MEFV: variants seen among roughly 807,000 people sequenced by gnomAD.
MEFV encodes the protein MEFV innate immunity regulator, pyrin, also known as pyrin.
MEFV carries 60 observed loss-of-function variants against 62.5 expected under a neutral mutation model. That is an observed-to-expected ratio of 0.96 (90% CI 0.78 to 1.19). The LOEUF is 1.19. Among genes scored for constraint, MEFV ranks in the 50% most tolerant of loss-of-function variants. The pLI is 0.00. For missense variants in MEFV, 1,169 were observed against 1,004.5 expected (o/e 1.16, Z -2.21); for synonymous variants, 500 against 415.2 (o/e 1.20, Z -2.48).
intron 2 of MEFV, 30 bp downstream of exon 2, chr16:3,254,128 C>T: frequency 6.2e-7 from 1 of 1,610,840 alleles, no homozygotes. Flanking sequence ...TCTCTGCAGC[C>T]GATATAAAGT....
intron 1 of MEFV, among the ~76,000 whole-genome samples, chr16:3,255,063 T>A (rs1003619678): frequency 5.9e-5 from 9 of 152,158 alleles, no homozygotes; most frequent in Admixed American, 1.3e-4. Flanking sequence ...ATGCCTGTAA[T>A]CCCAGCTTCT....
chr16:3,251,934 G>A, intron 2 of MEFV: 1 of 339,578 alleles, frequency 2.9e-6, no homozygotes, highest in Non-Finnish European at 6.1e-6. Context: ...AATACAGTGG[G>A]GACCTGGTGC....
chr16:3,249,694 T>C lies in MEFV; in HGVS notation c.997A>G (p.Ser333Gly). The change falls in exon 3 of 10, where the codon AGC becomes GGC. Residue 333 changes from serine (S) to glycine (G), a missense_variant. Coordinates refer to ENST00000219596, the MANE Select transcript of MEFV (RefSeq NM_000243.3). Reference sequence around the variant, plus strand: ...TGCCCAGAAACTGCCTCGGGGAAGCTGCAGGAATCACGCACACAGGTACCG... The same window carrying C: ...TGCCCAGAAACTGCCTCGGGGAAGCCGCAGGAATCACGCACACAGGTACCG... ...VDGTCVRDSCSFPEAVSGHPQ... is the reference protein window; with the variant it reads ...VDGTCVRDSCGFPEAVSGHPQ... 6.2e-7 allele frequency: 1 copy of C among 1,613,524 alleles called. No homozygotes were observed. Among genetic ancestry groups the C allele is most frequent in the Non-Finnish European group, 8.5e-7 (1 of 1,179,592 alleles).
chr16:3,249,368 G>GAAGT, intron 3 of MEFV, 63 bp downstream of exon 3: 1 of 1,457,716 alleles, frequency 6.9e-7, no homozygotes, highest in Non-Finnish European at 9.6e-7. Context: ...TTGGGAAAAT[G>GAAGT]AAGTAAGGCC....
intron 2 of MEFV, among the ~76,000 whole-genome samples, chr16:3,251,669 G>C (rs1016505947): frequency 2.6e-5 from 4 of 152,212 alleles, no homozygotes; most frequent in Non-Finnish European, 5.9e-5. Flanking sequence ...GCAAATGGTA[G>C]AATCTCAACC....
At chr16:3,250,914 C>T (rs1959022113) in intron 2 of MEFV, among the ~76,000 whole-genome samples, 1 of 150,236 alleles carries the variant, frequency 6.7e-6, no homozygotes, top group Non-Finnish European at 1.5e-5. Context: ...ATCCCAGCTA[C>T]TCGGGAGGCT....
At chr16:3,248,044 A>AGG (rs1442280653) in intron 4 of MEFV, 1 of 151,214 alleles carries the variant, frequency 6.6e-6, no homozygotes, top group East Asian at 1.9e-4. Context: ...GGATCACCTG[A>AGG]GGTCAGGAGT....
In MEFV at chr16:3,249,765, G is replaced by A. The variant is rs104895155; in HGVS notation, c.926C>T (p.Thr309Met). Reference sequence around the variant, plus strand: ...GGCGTGGCAGCGGGGACTCGCAGCCGTGTCTGGTGGCCTTCCTGGGGACAT... The same window carrying A: ...GGCGTGGCAGCGGGGACTCGCAGCCATGTCTGGTGGCCTTCCTGGGGACAT... Reference protein sequence around the residue: ...EHSVTGRPPDTAASPRCHAQE... With the variant: ...EHSVTGRPPDMAASPRCHAQE... The change falls in exon 3 of 10, where the codon ACG becomes ATG. Residue 309 changes from threonine to methionine, a missense_variant. Coordinates refer to ENST00000219596, the MANE Select transcript of MEFV (RefSeq NM_000243.3). 2.5e-4 allele frequency: 406 copies of A among 1,613,872 alleles called. 2 individuals carry two copies. The South Asian group carries it at 2.6e-3, about 10-fold the overall frequency.
intron 4 of MEFV, 49 bp from the exon 5 acceptor site, chr16:3,247,295 C>T (rs770064006): frequency 1.3e-5 from 20 of 1,570,938 alleles, no homozygotes; most frequent in Admixed American, 1.2e-4. Flanking sequence ...TGTGGGTGGA[C>T]GTGGATGTCC....
chr16:3,245,626 G>A (rs1328224256), intron 6 of MEFV, among the ~76,000 whole-genome samples: 2 of 151,284 alleles, frequency 1.3e-5, no homozygotes, highest in African/African-American at 2.4e-5. Flanking sequence ...AGAGCAAGAC[G>A]CTGTCTTCAA....
At chr16:3,255,865 G>C (rs1470653883) in intron 1 of MEFV, among the ~76,000 whole-genome samples, 3 of 152,036 alleles carry the variant, frequency 2.0e-5, no homozygotes, top group African/African-American at 7.2e-5. Flanking sequence ...ACTTTGGGAG[G>C]CTGAGGCGGG....
rs776356820 is a variant in MEFV at position 3,254,385 on chromosome 16, G to A, written c.683C>T (p.Pro228Leu). The change falls in exon 2 of 10, where the codon CCC (proline) becomes CTC (leucine). Residue 228 changes from proline to leucine, a missense_variant. Transcript: ENST00000219596. The part of the protein sequence containing the change: ...GGAPGQKECR[P>L]FEVYLPSGKM... The stretch of plus-strand genomic sequence containing the variant: ...TCCCGAGGGCAGGTACACTTCGAAG[G>A]GCCTGCACTCCTTCTGCCCCGGGGC... 3.1e-6 allele frequency: 5 copies of A among 1,613,956 alleles called. No homozygotes were observed. In the African/African-American group the frequency reaches 4.0e-5, roughly 13 times the overall value.
chr16:3,249,964 C>A lies in MEFV; in HGVS notation c.911-184G>T, dbSNP rs77677442. ...GTGAGGAAGCAAACAGGCCACTGGG[C>A]CTGAGAGCTAAGGGCCAGACCTCAG... On this transcript the variant is annotated intron_variant, in intron 2 of 9. Transcript: ENST00000219596. Among the ~76,000 whole-genome samples the A allele has an allele frequency of 3.9e-5, 6 of 152,342 alleles. No individual in the cohort carries two copies. The East Asian group carries it at 1.2e-3, about 29-fold the overall frequency.
intron 2 of MEFV, among the ~76,000 whole-genome samples, chr16:3,252,710 G>A (rs567543481): frequency 6.6e-5 from 10 of 151,742 alleles, no homozygotes; most frequent in East Asian, 1.9e-4. Flanking sequence ...AGGCTAAGGC[G>A]GGGGATCGCT....
rs1212299747 is a variant in MEFV, at chr16:3,247,046, C to G, written c.1557G>C (p.Lys519Asn). The G allele has an allele frequency of 6.2e-7, 1 of 1,614,244 alleles. No individual in the cohort carries two copies. The highest frequency in any genetic ancestry group is 8.5e-7 in the Non-Finnish European group (1 of 1,180,034). The change falls in exon 5 of 10, where the codon AAG (lysine) becomes AAC (asparagine). Residue 519 changes from lysine (K) to asparagine (N), a missense_variant. Physicochemically the swap from Lys to Asn is moderately conservative, Grantham distance 94. Coordinates refer to ENST00000219596, the MANE Select transcript of MEFV (RefSeq NM_000243.3). ...LDALIGELEA[K>N]ECQSEWELLQ... ...GAAGTTCCCATTCTGACTGGCACTCCTTGGCCTCCAGTTCCCCAATCAGCG... is the reference window on the plus strand; with the variant it reads ...GAAGTTCCCATTCTGACTGGCACTCGTTGGCCTCCAGTTCCCCAATCAGCG...
intron 6 of MEFV, among the ~76,000 whole-genome samples, chr16:3,245,343 A>G (rs1958925314): frequency 1.3e-5 from 2 of 152,032 alleles, no homozygotes; most frequent in Admixed American, 1.3e-4. Flanking sequence ...GAGGGAGGGA[A>G]GGAAGGAAAG....
Position 3,249,254 on chromosome 16 carries a change from G to A in MEFV, c.1260+177C>T, listed in dbSNP as rs192969986. 3.3e-5 allele frequency among the ~76,000 whole-genome samples: 5 copies of A among 152,360 alleles called. No homozygotes were observed. In the East Asian group the frequency reaches 7.7e-4, roughly 23 times the overall value. ...AAGCCAGCTCCCCCTGGATCTCTGA[G>A]CAACATAAACCTGTAGCTCCCCTCT... On this transcript the variant is annotated intron_variant, in intron 3 of 9. Coordinates refer to ENST00000219596, the MANE Select transcript of MEFV (RefSeq NM_000243.3).
At position 3,254,612 on chromosome 16, in the gene MEFV, C is replaced by T. The variant is rs368333568; in HGVS notation, c.456G>A (p.Gly152=). 9.6e-5 allele frequency: 154 copies of T among 1,602,072 alleles called. No individual in the cohort carries two copies. Among genetic ancestry groups the T allele is most frequent in the Non-Finnish European group, 1.3e-4 (149 of 1,176,568 alleles). The change falls in exon 2 of 10, where the codon GGG becomes GGA. Residue 152 remains glycine (G), a synonymous_variant. Transcript: ENST00000219596. The part of the protein sequence containing the change: ...LRCSQPEAGR[G]LSRKPLSKRR... ...GTTTGCTCAGGGGCTTCCTCGACAGCCCCCTCCCGGCCTCGGGCTGGCTGC... is the reference window on the plus strand; with the variant it reads ...GTTTGCTCAGGGGCTTCCTCGACAGTCCCCTCCCGGCCTCGGGCTGGCTGC...
At chr16:3,244,717 C>T in intron 6 of MEFV, 129 bp from the exon 7 acceptor site, 1 of 756,550 alleles carries the variant, frequency 1.3e-6, no homozygotes. Flanking sequence ...AAAGAAAAGT[C>T]TTCCCTGGAT....
Sources: allele counts gnomAD v4.1 joint callset (sites outside exome capture counted in the v4.1 genomes callset), GRCh38; gene constraint gnomAD v4.1.1; transcripts MANE v1.5; gene names NCBI Gene and HGNC (gene_info 2026-07-23, HGNC 2026-07-21).